SLC22A4: variants seen among roughly 807,000 people sequenced by gnomAD.
The protein encoded by SLC22A4 is ET transporter.
In SLC22A4, 39 loss-of-function variants were observed where a neutral mutation model predicts 56.6. The observed-to-expected ratio is 0.69, with a 90% confidence interval of 0.53 to 0.90. The LOEUF is 0.90. SLC22A4 is among the 40% of genes least tolerant of loss of function. SLC22A4 has a pLI of 0.00. For missense variants in SLC22A4, 594 were observed against 696.5 expected (o/e 0.85, Z 1.66); for synonymous variants, 241 against 281.4 (o/e 0.86, Z 1.44).
intron 4 of SLC22A4, among the ~76,000 whole-genome samples, chr5:132,324,925 C>G (rs1376173845): frequency 1.3e-5 from 2 of 152,172 alleles, no homozygotes; most frequent in African/African-American, 4.8e-5. Flanking sequence ...GTACAGTGGG[C>G]TAGAAATGGG....
chr5:132,324,241 A>AGAG (rs1561542792), intron 4 of SLC22A4, among the ~76,000 whole-genome samples: 1 of 150,702 alleles, frequency 6.6e-6, no homozygotes, highest in East Asian at 1.9e-4. Flanking sequence ...ATCAGAGAGA[A>AGAG]AGAGAGAGAG....
intron 2 of SLC22A4, among the ~76,000 whole-genome samples, chr5:132,313,369 C>A (rs4646194): frequency 0.077 from 11,671 of 152,252 alleles, 573 homozygotes; most frequent in East Asian, 0.27. Flanking sequence ...AAGGTCCTTG[C>A]GTACACTGCT....
intron 1 of SLC22A4, chr5:132,311,873 G>A (rs965032110): frequency 8.0e-6 from 4 of 501,650 alleles, no homozygotes; most frequent in South Asian, 6.2e-5. Context: ...GGCCTTGGCT[G>A]GCTTCTTGCT....
chr5:132,318,286 T>C (rs1192381779), intron 3 of SLC22A4, among the ~76,000 whole-genome samples: 2 of 152,222 alleles, frequency 1.3e-5, no homozygotes, highest in Non-Finnish European at 1.5e-5. Flanking sequence ...GAATAACTAT[T>C]ACTGAGCACC....
intron 5 of SLC22A4, among the ~76,000 whole-genome samples, chr5:132,330,547 G>A (rs889809275): frequency 2.0e-5 from 3 of 152,130 alleles, no homozygotes; most frequent in Admixed American, 2.0e-4. Flanking sequence ...CCAATATGGC[G>A]AAACCCCATC....
chr5:132,324,576 T>A (rs1750635828), intron 4 of SLC22A4: 1 of 471,076 alleles, frequency 2.1e-6, no homozygotes, highest in African/African-American at 2.0e-5. Context: ...CCCTGAACAT[T>A]TACCAGTGGT....
Position 132,294,620 on chromosome 5 carries a change from C to A in SLC22A4, c.4C>A (p.Arg2=). 1.2e-6 allele frequency: 2 copies of A among 1,614,142 alleles called. No homozygotes were observed. The highest frequency in any genetic ancestry group is 1.7e-6 in the Non-Finnish European group (2 of 1,180,022). ...TTTCGGAGCGGCAGTGGGAAGCATG[C>A]GGGACTACGACGAGGTGATCGCCTT... The part of the protein sequence containing the change: M[R]DYDEVIAFLG... The change falls in exon 1 of 10, where the codon CGG becomes AGG. Residue 2 remains arginine (R), a synonymous_variant. Coordinates refer to ENST00000200652, the MANE Select transcript of SLC22A4 (RefSeq NM_003059.3). The surrounding 1 kb of genome is among the most constrained non-coding windows in gnomAD (Gnocchi z 5.6).
Position 132,343,768 on chromosome 5 carries a change from C to G in SLC22A4, c.1589C>G (p.Ser530Cys), listed in dbSNP as rs1313590881. Residue 530 changes from serine (S) to cysteine (C), a missense_variant, in exon 10 of 10, where the codon TCT becomes TGT. By Grantham distance (112) the Ser-to-Cys change is moderately radical (BLOSUM62 -1). Transcript: ENST00000200652. ...EQMQKVKWFR[S>C]GKKTRDSMET... ...ATCTATTTTATTTTCAGGTTCAGATCTGGGAAAAAAACAAGAGACTCAATG... is the reference window on the plus strand; with the variant it reads ...ATCTATTTTATTTTCAGGTTCAGATGTGGGAAAAAAACAAGAGACTCAATG... 2 of 1,600,280 alleles carry G rather than the reference C, an allele frequency of 1.2e-6. No individual in the cohort carries two copies. The highest frequency in any genetic ancestry group is 2.7e-5 in the African/African-American group (2 of 74,606).
intron 1 of SLC22A4, chr5:132,311,338 T>G (rs964422866): frequency 6.6e-6 from 1 of 152,272 alleles, no homozygotes; most frequent in African/African-American, 2.4e-5. Context: ...AAACACACTT[T>G]GAAATTTTTG....
chr5:132,335,507 T>C (rs892832052), intron 7 of SLC22A4, among the ~76,000 whole-genome samples: 5 of 152,138 alleles, frequency 3.3e-5, no homozygotes, highest in African/African-American at 1.2e-4. Flanking sequence ...AAGATAAAAC[T>C]TAACTATATT....
chr5:132,299,518 C>A (rs1345586394), intron 1 of SLC22A4, among the ~76,000 whole-genome samples: 1 of 151,974 alleles, frequency 6.6e-6, no homozygotes, highest in Non-Finnish European at 1.5e-5. Flanking sequence ...CAACCTCTGC[C>A]TCCTTGGTTC....
intron 4 of SLC22A4, among the ~76,000 whole-genome samples, chr5:132,322,837 ACT>A (rs1166634471): frequency 6.6e-6 from 1 of 152,238 alleles, no homozygotes; most frequent in Non-Finnish European, 1.5e-5. Flanking sequence ...TGAGAAAATT[ACT>A]TTTTATTTAA....
intron 3 of SLC22A4, among the ~76,000 whole-genome samples, chr5:132,317,606 A>G (rs1178777788): frequency 3.3e-5 from 5 of 152,238 alleles, no homozygotes. Flanking sequence ...TGCTATGAAC[A>G]TTGGAGAATA....
chr5:132,300,998 C>T (rs773287333), intron 1 of SLC22A4, among the ~76,000 whole-genome samples: 7 of 152,368 alleles, frequency 4.6e-5, no homozygotes, highest in Non-Finnish European at 1.0e-4. Flanking sequence ...GGGCCAAGAC[C>T]TCAGAGAGAA....
At chr5:132,301,825 G>GTTTC (rs143653818) in intron 1 of SLC22A4, among the ~76,000 whole-genome samples, 5,975 of 152,308 alleles carry the variant, frequency 0.039, 323 homozygotes, top group African/African-American at 0.12. Flanking sequence ...GGTTTGTGGA[G>GTTTC]TTTCTATCAG....
Position 132,294,748 on chromosome 5 carries a change from GA to G in SLC22A4, c.133del (p.Thr45ProfsTer14), listed in dbSNP as rs772836216. The G allele has an allele frequency of 1.2e-6, 2 of 1,613,784 alleles. No individual in the cohort carries two copies. The highest frequency in any genetic ancestry group is 1.7e-6 in the Non-Finnish European group (2 of 1,180,032). On this transcript the variant is annotated frameshift_variant, in exon 1 of 10. Transcript: ENST00000200652. LOFTEE classifies it high-confidence loss of function. This position sits in a 1 kb window ranked among gnomAD's most constrained non-coding sequence, Gnocchi z 5.6. ...GTATGTCAGTCGTGTTCCTGGCGGG[GA>G]CCCCGGAGCACCGCTGTCGAGTGCC... ...NGMSVVFLAGTPEHRCRVPDA... is the reference protein window; with the variant it reads ...NGMSVVFLAGXPEHRCRVPDA...
chr5:132,316,987 T>C (rs1021351132), intron 3 of SLC22A4, among the ~76,000 whole-genome samples: 2 of 152,116 alleles, frequency 1.3e-5, no homozygotes, highest in Non-Finnish European at 2.9e-5. Context: ...CTGGTGAGGG[T>C]TCTCCCATTG....
rs192835152 is a variant in SLC22A4 at position 132,326,170 on chromosome 5, T to C, written c.825-1107T>C. ...TCCAGTTTGCCCTTGAATTCTTTCCTGGGCAAAGCCAAGAACCCTCATGGG... is the reference window on the plus strand; with the variant it reads ...TCCAGTTTGCCCTTGAATTCTTTCCCGGGCAAAGCCAAGAACCCTCATGGG... On this transcript the variant is annotated intron_variant, in intron 4 of 9. Coordinates refer to ENST00000200652, the MANE Select transcript of SLC22A4 (RefSeq NM_003059.3). Among the ~76,000 whole-genome samples, 3 of 152,340 alleles carry C rather than the reference T, an allele frequency of 2.0e-5. No homozygotes were observed. The East Asian group carries it at 5.8e-4, about 29-fold the overall frequency.
intron 1 of SLC22A4, among the ~76,000 whole-genome samples, chr5:132,304,761 T>TG (rs1183603378): frequency 6.6e-6 from 1 of 151,710 alleles, no homozygotes; most frequent in Non-Finnish European, 1.5e-5. Flanking sequence ...GACCTATACA[T>TG]GGGGGGAAAA....
Sources: gnomAD v4.1 joint callset for allele counts (sites outside exome capture counted in the v4.1 genomes callset) on GRCh38, gnomAD v4.1.1 for gene constraint, Gnocchi (gnomAD v3.1) non-coding constraint, MANE v1.5 for transcripts, NCBI Gene and HGNC (gene_info 2026-07-23, HGNC 2026-07-21) for gene names.